HABP4: variants seen among roughly 807,000 people sequenced by gnomAD.
The protein encoded by HABP4 is intracellular hyaluronan-binding protein 4.
HABP4 carries 32 observed loss-of-function variants against 44.1 expected under a neutral mutation model. The observed-to-expected ratio is 0.73, with a 90% CI of 0.55 to 0.97. The LOEUF is 0.97. Among genes scored for constraint, HABP4 ranks in the 50% least tolerant of loss-of-function variants. The pLI is 0.00. For missense variants in HABP4, 503 were observed against 561.9 expected, an observed-to-expected ratio of 0.90 and a Z score of 1.06; for synonymous variants, 216 against 218.0, an observed-to-expected ratio of 0.99 and a Z score of 0.08.
intron 2 of HABP4, among the ~76,000 whole-genome samples, chr9:96,462,599 G>A (rs1188771127): frequency 6.7e-6 from 1 of 148,224 alleles, no homozygotes; most frequent in Non-Finnish European, 1.5e-5. Context: ...GAGACAGAAC[G>A]AGACTCTGTC....
chr9:96,478,175 C>T (rs1832813746), intron 5 of HABP4, among the ~76,000 whole-genome samples: 1 of 152,088 alleles, frequency 6.6e-6, no homozygotes, highest in African/African-American at 2.4e-5. Flanking sequence ...CTCTGTCACC[C>T]AGGCTGGCGT....
Position 96,450,452 on chromosome 9 carries a change from G to C in HABP4, c.173G>C (p.Arg58Pro), listed in dbSNP as rs1454487550. Reference sequence around the variant, plus strand: ...CAGCAGCAGCTGCAGCGCAAGAGGCGCGACGAGGCGGCGGCGGCGGCCGGG... The same window carrying C: ...CAGCAGCAGCTGCAGCGCAAGAGGCCCGACGAGGCGGCGGCGGCGGCCGGG... Reference protein sequence around the residue: ...RRQQQLQRKRRDEAAAAAGAG... With the variant: ...RRQQQLQRKRPDEAAAAAGAG... The change falls in exon 1 of 8, where the codon CGC becomes CCC. Residue 58 changes from arginine to proline, a missense_variant. Transcript: ENST00000375249. This position sits in a 1 kb window ranked among gnomAD's most constrained non-coding sequence, Gnocchi z 4.8. 1 of 1,252,002 alleles carries C rather than the reference G, an allele frequency of 8.0e-7. No homozygotes were observed. Among genetic ancestry groups the C allele is most frequent in the East Asian group, 3.4e-5 (1 of 29,718 alleles). 77.6% of individuals were successfully genotyped at this position (1,252,002 alleles called of 1,614,324 possible). A position where few individuals can be genotyped will look rare whatever the true frequency, so the allele number is the denominator to read the frequency against.
intron 1 of HABP4, among the ~76,000 whole-genome samples, chr9:96,457,273 G>A (rs752584782): frequency 1.9e-4 from 29 of 152,068 alleles, no homozygotes; most frequent in South Asian, 4.1e-4. Context: ...CCCGGGAGGC[G>A]GAGGTTGCAG....
At chr9:96,486,581 G>A (rs940714656) in intron 6 of HABP4, among the ~76,000 whole-genome samples, 1 of 147,710 alleles carries the variant, frequency 6.8e-6, no homozygotes, top group African/African-American at 2.4e-5. Flanking sequence ...AAGCAAGTGG[G>A]TTAGCTGAGT....
Position 96,484,547 on chromosome 9 carries a change from C to G in HABP4, c.913C>G (p.Pro305Ala). 2 of 1,592,036 alleles carry G rather than the reference C, an allele frequency of 1.3e-6. No homozygotes were observed. Among genetic ancestry groups the G allele is most frequent in the Non-Finnish European group, 1.7e-6 (2 of 1,159,830 alleles). The change falls in exon 6 of 8, where the codon CCA becomes GCA. Residue 305 changes from proline to alanine, a missense_variant. Physicochemically the swap from Pro to Ala is conservative, Grantham distance 27. Transcript: ENST00000375249. ...GAAAAATCTTCAAGAACAGACCAGA[C>G]CAAAGCCTGAGTTTAACATCCGGAA... ...EWKNLQEQTRPKPEFNIRKPE... is the reference protein window; with the variant it reads ...EWKNLQEQTRAKPEFNIRKPE...
At chr9:96,479,426 T>G (rs917888737) in intron 5 of HABP4, among the ~76,000 whole-genome samples, 8 of 152,176 alleles carry the variant, frequency 5.3e-5, no homozygotes, top group Admixed American at 6.5e-5. Context: ...TACTTTCAAA[T>G]TTTAGAGATT....
intron 4 of HABP4, among the ~76,000 whole-genome samples, chr9:96,467,727 T>C (rs1361767662): frequency 6.6e-6 from 1 of 151,664 alleles, no homozygotes; most frequent in Non-Finnish European, 1.5e-5. Context: ...TGTTTCACCA[T>C]GTTGGCCAGG....
intron 5 of HABP4, among the ~76,000 whole-genome samples, chr9:96,472,500 C>G (rs371421420): frequency 6.6e-6 from 1 of 152,216 alleles, no homozygotes; most frequent in African/African-American, 2.4e-5. Flanking sequence ...GCCAAAGATA[C>G]AAGACTGCTA....
chr9:96,483,968 GT>G (rs1832925731), intron 5 of HABP4: 2 of 152,334 alleles, frequency 1.3e-5, no homozygotes, highest in Admixed American at 1.3e-4. Flanking sequence ...GACCGTAAAT[GT>G]GAGGGTTTAT....
chr9:96,484,979 C>T (rs924643286), intron 6 of HABP4, among the ~76,000 whole-genome samples: 1 of 151,950 alleles, frequency 6.6e-6, no homozygotes, highest in African/African-American at 2.4e-5. Context: ...CAAAGGAGAA[C>T]TACACTCTGT....
intron 2 of HABP4, among the ~76,000 whole-genome samples, chr9:96,464,604 C>T (rs1003749957): frequency 4.6e-5 from 7 of 152,162 alleles, no homozygotes; most frequent in Middle Eastern, 6.8e-3. Flanking sequence ...TTATCTATTC[C>T]AAAAATAATT....
chr9:96,459,195 C>T (rs896594539), intron 2 of HABP4, among the ~76,000 whole-genome samples: 1 of 152,122 alleles, frequency 6.6e-6, no homozygotes, highest in African/African-American at 2.4e-5. Context: ...TAATTTTGGA[C>T]TAGGGATATA....
At chr9:96,465,821 G>C (rs371150266) in intron 4 of HABP4, 43 bp downstream of exon 4, 5 of 987,438 alleles carry the variant, frequency 5.1e-6, no homozygotes, top group Non-Finnish European at 6.6e-6. Context: ...GCAATTAAGT[G>C]GAAATCTCTG....
Position 96,484,565 on chromosome 9 carries a change from A to C in HABP4, c.931A>C (p.Ile311Leu), listed in dbSNP as rs144359911. Residue 311 changes from isoleucine (I) to leucine (L), a missense_variant, in exon 6 of 8, where the codon ATC becomes CTC. Physicochemically the swap from Ile to Leu is conservative, Grantham distance 5. Around this residue, in one of 3 missense-constraint regions of HABP4, gnomAD observed 131 missense variants for 189.8 expected, o/e 0.69. Coordinates refer to ENST00000375249, the MANE Select transcript of HABP4 (RefSeq NM_014282.4). ...EQTRPKPEFNIRKPESTVPSK... is the reference protein window; with the variant it reads ...EQTRPKPEFNLRKPESTVPSK... ...GACCAGACCAAAGCCTGAGTTTAAC[A>C]TCCGGAAACCAGAATCCACTGTTCC... 1 of 1,596,302 alleles carries C rather than the reference A, an allele frequency of 6.3e-7. No individual in the cohort carries two copies. Among genetic ancestry groups the C allele is most frequent in the Non-Finnish European group, 8.6e-7 (1 of 1,163,684 alleles).
At chr9:96,456,685 G>A (rs1432380683) in intron 1 of HABP4, among the ~76,000 whole-genome samples, 4 of 147,928 alleles carry the variant, frequency 2.7e-5, no homozygotes, top group Non-Finnish European at 4.5e-5. Context: ...GCGTGAACCC[G>A]GGAGGCGGTG....
chr9:96,476,869 CGTGCCTCTGATATGGGGCATTT>C (rs1340046028), intron 5 of HABP4, among the ~76,000 whole-genome samples: 10 of 152,194 alleles, frequency 6.6e-5, no homozygotes, highest in Non-Finnish European at 1.5e-4. Flanking sequence ...GCAGGGCATT[CGTGCCTCTGATATGGGGCATTT>C]GTGCCTCTAT....
In HABP4 at chr9:96,475,993, A is replaced by G. The variant is rs1421363595; in HGVS notation, c.827+4899A>G. ...TCTTTGATTCACTGCACTCTTTCAT[A>G]TATTCAGGTGAAAAGGTATTGCATG... is the stretch of plus-strand genomic sequence containing the variant. On this transcript the variant is annotated intron_variant, in intron 5 of 7. Coordinates refer to ENST00000375249, the MANE Select transcript of HABP4 (RefSeq NM_014282.4). Among the ~76,000 whole-genome samples, 7 of 152,226 alleles carry G rather than the reference A, an allele frequency of 4.6e-5. No individual in the cohort carries two copies. The East Asian group carries it at 9.6e-4, about 21-fold the overall frequency.
At chr9:96,482,349 A>C (rs1832894868) in intron 5 of HABP4, among the ~76,000 whole-genome samples, 1 of 152,114 alleles carries the variant, frequency 6.6e-6, no homozygotes, top group Non-Finnish European at 1.5e-5. Flanking sequence ...GAATTTGCCT[A>C]TTCTAGGTGC....
At chr9:96,473,495 A>G (rs1206142425) in intron 5 of HABP4, among the ~76,000 whole-genome samples, 2 of 152,126 alleles carry the variant, frequency 1.3e-5, no homozygotes, top group Admixed American at 6.5e-5. Context: ...AGCCCCTCAC[A>G]GGGCTCCCTG....
Sources: gnomAD v4.1 joint callset for allele counts (sites outside exome capture counted in the v4.1 genomes callset) on GRCh38, gnomAD v4.1.1 for gene constraint, gnomAD v4.1.1 regional missense constraint, Gnocchi (gnomAD v3.1) non-coding constraint, MANE v1.5 for transcripts, NCBI Gene and HGNC (gene_info 2026-07-23, HGNC 2026-07-21) for gene names.